Variants in CIP2A observed in about 807,000 individuals in gnomAD.
CIP2A encodes cellular inhibitor of PP2A.
A neutral mutation model predicts 110.9 loss-of-function variants in CIP2A; 103 were observed. The ratio of observed to expected loss-of-function variants is 0.93; its 90% CI spans 0.79 to 1.09. The LOEUF is 1.09. Ranked by LOEUF, CIP2A falls within the 50% of genes least tolerant of loss-of-function variation. The pLI is 0.00. For synonymous variants in CIP2A, 381 were observed against 361.6 expected (o/e 1.05, Z -0.61); for missense variants, 1,088 against 1,038.4 (o/e 1.05, Z -0.66).
intron 1 of CIP2A, among the ~76,000 whole-genome samples, chr3:108,588,704 G>GA (rs1158364252): frequency 6.6e-6 from 1 of 151,886 alleles, no homozygotes; most frequent in Admixed American, 6.6e-5. Flanking sequence ...CACTAGAATA[G>GA]AAAAAAAGGC....
chr3:108,573,807 T>C (rs78084629), intron 8 of CIP2A, among the ~76,000 whole-genome samples: 2,161 of 152,310 alleles, frequency 0.014, 55 homozygotes, highest in African/African-American at 0.048. Context: ...TAGATCATTG[T>C]TGCAAATGAT....
chr3:108,577,594 G>C (rs1161398969), intron 7 of CIP2A, among the ~76,000 whole-genome samples: 1 of 152,050 alleles, frequency 6.6e-6, no homozygotes, highest in Non-Finnish European at 1.5e-5. Context: ...GGTAGCAAGA[G>C]AAAAACAAAA....
rs924274270 is a variant in CIP2A at position 108,553,524 on chromosome 3, C to T, written c.2407+124G>A. On this transcript the variant is annotated intron_variant, in intron 19 of 20. Coordinates refer to ENST00000295746, the MANE Select transcript of CIP2A (RefSeq NM_020890.3). ...AAACATTATGTCAAGAAAAGGGAAG[C>T]CATTCCAAATATGATTTAAAGTTTA... 6.2e-6 allele frequency: 5 copies of T among 801,428 alleles called. No individual in the cohort carries two copies. The African/African-American group carries it at 9.0e-5, about 14-fold the overall frequency. 49.6% of individuals were successfully genotyped at this position (801,428 alleles called of 1,614,324 possible).
At chr3:108,561,904 A>G (rs1455367542) in intron 13 of CIP2A, among the ~76,000 whole-genome samples, 2 of 152,128 alleles carry the variant, frequency 1.3e-5, no homozygotes, top group East Asian at 3.9e-4. Flanking sequence ...GGCAGAGGAT[A>G]AGACTTCCAT....
At chr3:108,572,946 G>A (rs1169561352) in intron 8 of CIP2A, among the ~76,000 whole-genome samples, 1 of 151,760 alleles carries the variant, frequency 6.6e-6, no homozygotes, top group East Asian at 1.9e-4. Flanking sequence ...GTAGATTTTT[G>A]GTAATTACTC....
intron 16 of CIP2A, among the ~76,000 whole-genome samples, 177 bp downstream of exon 16, chr3:108,559,580 A>AG (rs1330029882): frequency 2.6e-5 from 4 of 152,200 alleles, no homozygotes; most frequent in African/African-American, 4.8e-5. Flanking sequence ...GCAAAAAAAA[A>AG]TCAGGTAACG....
chr3:108,570,398 T>C (rs1271307999), intron 8 of CIP2A, among the ~76,000 whole-genome samples: 1 of 152,126 alleles, frequency 6.6e-6, no homozygotes, highest in Non-Finnish European at 1.5e-5. Flanking sequence ...TAATAAACTG[T>C]AGTACAGTCA....
At position 108,569,456 on chromosome 3, in the gene CIP2A, C is replaced by T; in HGVS notation, c.1046G>A (p.Ser349Asn). The T allele has an allele frequency of 2.5e-6, 4 of 1,612,816 alleles. No individual in the cohort carries two copies. Among genetic ancestry groups the T allele is most frequent in the Non-Finnish European group, 3.4e-6 (4 of 1,179,322 alleles). ...GTTTTCTGATCCGTCCAAAGGTTGGCTTAACCAGCGCAGTAGAGCCACAGT... is the reference window on the plus strand; with the variant it reads ...GTTTTCTGATCCGTCCAAAGGTTGGTTTAACCAGCGCAGTAGAGCCACAGT... ...EPTVALLRWLSQPLDGSENCS... is the reference protein window; with the variant it reads ...EPTVALLRWLNQPLDGSENCS... The change falls in exon 9 of 21, where the codon AGC becomes AAC. Residue 349 changes from serine (S) to asparagine (N), a missense_variant. Coordinates refer to ENST00000295746, the MANE Select transcript of CIP2A (RefSeq NM_020890.3).
At position 108,572,796 on chromosome 3, in the gene CIP2A, T is replaced by A. The variant is rs1049298264; in HGVS notation, c.895-3189A>T. Among the ~76,000 whole-genome samples the A allele has an allele frequency of 3.3e-5, 5 of 152,080 alleles. No individual in the cohort carries two copies. In the South Asian group the frequency reaches 1.0e-3, roughly 31 times the overall value. Reference sequence around the variant, plus strand: ...TTTCTTCCTTTCCAATCTCTATATCTTTTTAATTTATCTTGCCTTATTAGG... The same window carrying A: ...TTTCTTCCTTTCCAATCTCTATATCATTTTAATTTATCTTGCCTTATTAGG... On this transcript the variant is annotated intron_variant, in intron 8 of 20. Transcript: ENST00000295746.
chr3:108,559,825 G>C lies in CIP2A; in HGVS notation c.1945C>G (p.Leu649Val), dbSNP rs762271455. Residue 649 changes from leucine (L) to valine (V), a missense_variant, in exon 16 of 21, where the codon CTA becomes GTA. Coordinates refer to ENST00000295746, the MANE Select transcript of CIP2A (RefSeq NM_020890.3). ...AGTCTATCAGCCTGTGCAAGGGCTAGAGCTTTTGTTTCCAAAAGATCTTGT... is the reference window on the plus strand; with the variant it reads ...AGTCTATCAGCCTGTGCAAGGGCTACAGCTTTTGTTTCCAAAAGATCTTGT... ...RLQDLLETKALALAQADRLIA... is the reference protein window; with the variant it reads ...RLQDLLETKAVALAQADRLIA... The C allele has an allele frequency of 1.9e-6, 3 of 1,608,122 alleles. No homozygotes were observed. The highest frequency in any genetic ancestry group is 2.6e-6 in the Non-Finnish European group (3 of 1,175,706).
chr3:108,574,282 A>T (rs1938493672), intron 8 of CIP2A, among the ~76,000 whole-genome samples: 2 of 152,104 alleles, frequency 1.3e-5, no homozygotes, highest in African/African-American at 4.8e-5. Context: ...ATAAAATATT[A>T]ATTTAAATTA....
In CIP2A at chr3:108,576,325, A is replaced by T; in HGVS notation, c.840T>A (p.Cys280Ter). 1 of 1,560,462 alleles carries T rather than the reference A, an allele frequency of 6.4e-7. No homozygotes were observed. The highest frequency in any genetic ancestry group is 1.2e-5 in the South Asian group (1 of 83,128). The change falls in exon 8 of 21, where the codon TGT becomes TGA. Residue 280 changes from cysteine (C) to a stop codon, truncating the protein, a stop_gained. Coordinates refer to ENST00000295746, the MANE Select transcript of CIP2A (RefSeq NM_020890.3). LOFTEE classifies it high-confidence loss of function. ...TAAGAAGACCTAATACTTGGTGAAG[A>T]CATGAAGAAAAGTGCTCATATCTAG... ...YLTRYEHFSS[C>*]LHQVLGLLNG... is the part of the protein sequence containing the mutation.
chr3:108,559,941 A>C lies in CIP2A; in HGVS notation c.1902+13T>G. The C allele has an allele frequency of 6.3e-7, 1 of 1,584,900 alleles. No homozygotes were observed. The highest frequency in any genetic ancestry group is 8.7e-7 in the Non-Finnish European group (1 of 1,155,962). On this transcript the variant is annotated intron_variant, in intron 15 of 20. Coordinates refer to ENST00000295746, the MANE Select transcript of CIP2A (RefSeq NM_020890.3). ...AAGCTTATTACACATTGTTAAAATA[A>C]GCTTATACTCACAGCTAATGTGGAT...
At chr3:108,556,889 G>T (rs1171258489) in intron 17 of CIP2A, among the ~76,000 whole-genome samples, 1 of 152,088 alleles carries the variant, frequency 6.6e-6, no homozygotes, top group South Asian at 2.1e-4. Flanking sequence ...TAACTATGCA[G>T]CAAGCACTCC....
At chr3:108,575,953 T>C (rs1938633770) in intron 8 of CIP2A, among the ~76,000 whole-genome samples, 1 of 150,664 alleles carries the variant, frequency 6.6e-6, no homozygotes, top group African/African-American at 2.4e-5. Context: ...TATACATATA[T>C]GTGTATATAT....
In CIP2A at chr3:108,551,083, C is replaced by T; in HGVS notation, c.*66G>A. 2 of 563,024 alleles carry T rather than the reference C, an allele frequency of 3.6e-6. No homozygotes were observed. Among genetic ancestry groups the T allele is most frequent in the Non-Finnish European group, 5.8e-6 (2 of 347,264 alleles). 34.9% of individuals were successfully genotyped at this position (563,024 alleles called of 1,614,324 possible). On this transcript the variant is annotated 3_prime_UTR_variant, in exon 21 of 21. Coordinates refer to ENST00000295746, the MANE Select transcript of CIP2A (RefSeq NM_020890.3). ...GTCACAAATTAACTCCCCTACCCAC[C>T]CCCCCTCCAATAGATAAATACATCA...
At chr3:108,585,850 T>G (rs902033522) in intron 1 of CIP2A, 1 of 448,264 alleles carries the variant, frequency 2.2e-6, no homozygotes, top group Non-Finnish European at 4.5e-6. Flanking sequence ...TTCCATTGTT[T>G]TTTTTACTTT....
intron 8 of CIP2A, among the ~76,000 whole-genome samples, chr3:108,574,139 A>C (rs1484932199): frequency 6.6e-6 from 1 of 152,196 alleles, no homozygotes; most frequent in East Asian, 1.9e-4. Context: ...ACCCATCAAA[A>C]GACTCCAGAA....
chr3:108,560,795 T>C lies in CIP2A; in HGVS notation c.1681A>G (p.Thr561Ala), dbSNP rs1182117918. The change falls in exon 14 of 21, where the codon ACA becomes GCA. Residue 561 changes from threonine to alanine, a missense_variant. By Grantham distance (58) the Thr-to-Ala change is moderately conservative. Coordinates refer to ENST00000295746, the MANE Select transcript of CIP2A (RefSeq NM_020890.3). ...GGCATTTTTCTGGGTATATGTTCTGTTTCCTGTTGTCTATAGGCATTGTTT... is the reference window on the plus strand; with the variant it reads ...GGCATTTTTCTGGGTATATGTTCTGCTTCCTGTTGTCTATAGGCATTGTTT... ...AANNAYRQQE[T>A]EHIPRKMPWQ... The C allele has an allele frequency of 6.2e-7, 1 of 1,612,432 alleles. No homozygotes were observed. The highest frequency in any genetic ancestry group is 2.2e-5 in the East Asian group (1 of 44,748).
Sources: allele counts gnomAD v4.1 joint callset (sites outside exome capture counted in the v4.1 genomes callset), GRCh38; gene constraint gnomAD v4.1.1; transcripts MANE v1.5; gene names NCBI Gene and HGNC (gene_info 2026-07-23, HGNC 2026-07-21).